The following SYT1 variants were observed in gnomAD, a reference collection of about 807,000 sequenced individuals.
The protein encoded by SYT1 is synaptotagmin-1.
Under a neutral mutation model 44.8 loss-of-function variants are expected in SYT1, and 8 were observed. The ratio of observed to expected loss-of-function variants is 0.18; its 90% CI spans 0.10 to 0.32. The LOEUF (loss-of-function observed/expected upper bound fraction) is 0.32, where lower values mean the gene tolerates loss of function less well. SYT1 is among the 10% of genes least tolerant of loss of function. SYT1 has a pLI of 1.00. For synonymous variants in SYT1, 154 were observed against 188.8 expected (o/e 0.82, Z 1.51); for missense variants, 286 against 509.3 (o/e 0.56, Z 4.22).
intron 4 of SYT1, among the ~76,000 whole-genome samples, chr12:79,224,118 G>A (rs773743241): frequency 2.0e-5 from 3 of 152,108 alleles, no homozygotes; most frequent in Non-Finnish European, 4.4e-5. Context: ...ATGATTTTGT[G>A]GGAGATGGTA....
chr12:79,145,951 G>C (rs1166072385), intron 3 of SYT1, among the ~76,000 whole-genome samples: 1 of 151,838 alleles, frequency 6.6e-6, no homozygotes, highest in Non-Finnish European at 1.5e-5. Flanking sequence ...TAGAGACGGG[G>C]TTTCACCGTT....
At chr12:79,016,352 T>C (rs1379992708) in intron 2 of SYT1, among the ~76,000 whole-genome samples, 1 of 152,204 alleles carries the variant, frequency 6.6e-6, no homozygotes, top group Non-Finnish European at 1.5e-5. Context: ...TGTGTTTCCA[T>C]AAGCATTATG....
chr12:79,102,274 C>T (rs540838785), intron 3 of SYT1, among the ~76,000 whole-genome samples: 65 of 150,690 alleles, frequency 4.3e-4, no homozygotes, highest in Non-Finnish European at 7.4e-4. Context: ...CTCTCTTTCT[C>T]TCTCTCTCTC....
At chr12:79,000,333 GC>G (rs1870656857) in intron 2 of SYT1, among the ~76,000 whole-genome samples, 1 of 117,758 alleles carries the variant, frequency 8.5e-6, no homozygotes, top group Non-Finnish European at 1.6e-5. Context: ...CGCTCTAGTT[GC>G]CCAGCGTGGA....
chr12:79,016,756 G>A (rs1429937646), intron 2 of SYT1, among the ~76,000 whole-genome samples: 1 of 152,000 alleles, frequency 6.6e-6, no homozygotes, highest in Non-Finnish European at 1.5e-5. Flanking sequence ...TATATGCCCA[G>A]GATTTAAATA....
chr12:78,996,324 T>C (rs985093547), intron 2 of SYT1, among the ~76,000 whole-genome samples: 19 of 152,202 alleles, frequency 1.2e-4, no homozygotes, highest in Admixed American at 1.2e-3. Flanking sequence ...AAAATGTTAC[T>C]AAGCACCGAC....
At chr12:79,045,285 T>C (rs111336867) in intron 2 of SYT1, among the ~76,000 whole-genome samples, 1 of 152,160 alleles carries the variant, frequency 6.6e-6, no homozygotes, top group African/African-American at 2.4e-5. Context: ...TACGTGGGCG[T>C]AGGACCCGCC....
intron 1 of SYT1, among the ~76,000 whole-genome samples, chr12:78,904,808 T>C (rs1190923405): frequency 2.6e-5 from 4 of 152,132 alleles, no homozygotes; most frequent in Admixed American, 2.6e-4. Context: ...TCAAATTATA[T>C]ATATAATTGT....
intron 4 of SYT1, among the ~76,000 whole-genome samples, chr12:79,234,771 C>A (rs111605442): frequency 7.1e-6 from 1 of 140,474 alleles, no homozygotes; most frequent in Non-Finnish European, 1.5e-5. Flanking sequence ...AGTGCAGTGG[C>A]GCAATCTTGG....
At chr12:79,321,419 T>C (rs1881352867) in intron 8 of SYT1, among the ~76,000 whole-genome samples, 1 of 152,230 alleles carries the variant, frequency 6.6e-6, no homozygotes, top group Admixed American at 6.5e-5. Flanking sequence ...TGACTTTTCC[T>C]TTTTTAACAA....
At chr12:79,146,919 C>A (rs776733020) in intron 3 of SYT1, among the ~76,000 whole-genome samples, 4 of 152,150 alleles carry the variant, frequency 2.6e-5, no homozygotes, top group Non-Finnish European at 5.9e-5. Context: ...CAGCTCACTG[C>A]AAGCTCTGCT....
chr12:79,182,589 T>C (rs1872602427), intron 3 of SYT1, among the ~76,000 whole-genome samples: 1 of 152,072 alleles, frequency 6.6e-6, no homozygotes, highest in South Asian at 2.1e-4. Flanking sequence ...CCAGATGATA[T>C]GCGTATAGTT....
At chr12:78,997,277 T>C (rs1870441981) in intron 2 of SYT1, among the ~76,000 whole-genome samples, 1 of 152,214 alleles carries the variant, frequency 6.6e-6, no homozygotes, top group Non-Finnish European at 1.5e-5. Flanking sequence ...TCAGCAGTTC[T>C]CACTTAGAAG....
rs552285962 is a variant in SYT1, at chr12:79,005,958, G to A, written c.-84+28027G>A. Among the ~76,000 whole-genome samples the A allele has an allele frequency of 9.2e-5, 14 of 152,206 alleles. No homozygotes were observed. The South Asian group carries it at 2.7e-3, about 29-fold the overall frequency. On this transcript the variant is annotated intron_variant, in intron 2 of 10. Coordinates refer to ENST00000261205, the MANE Select transcript of SYT1 (RefSeq NM_005639.3). ...GTATTGCCATTTGGATAGGCGCTCT[G>A]TTTGCCTACATTTCTTTTCCCTAAT...
intron 9 of SYT1, among the ~76,000 whole-genome samples, chr12:79,376,365 TC>T (rs1027714238): frequency 1.8e-4 from 28 of 152,198 alleles, no homozygotes; most frequent in Non-Finnish European, 2.9e-5. Flanking sequence ...TATTCATGCC[TC>T]CCCTTTTTAG....
intron 9 of SYT1, among the ~76,000 whole-genome samples, chr12:79,356,662 T>G (rs1883124886): frequency 6.6e-6 from 1 of 152,218 alleles, no homozygotes; most frequent in Admixed American, 6.5e-5. Context: ...CAAAGTGGGT[T>G]GTTTTGCCAG....
chr12:78,956,639 T>C (rs191392071), intron 1 of SYT1, among the ~76,000 whole-genome samples: 40 of 152,244 alleles, frequency 2.6e-4, no homozygotes, highest in Middle Eastern at 6.8e-3. Context: ...GCAGAGGTTC[T>C]GTATTTTAGT....
chr12:79,211,097 G>A (rs888634433), intron 3 of SYT1, among the ~76,000 whole-genome samples: 1 of 151,910 alleles, frequency 6.6e-6, no homozygotes, highest in Admixed American at 6.6e-5. Context: ...GGAAAAGTGG[G>A]TATTCTTCCA....
At chr12:79,310,122 T>C (rs1305505558) in intron 8 of SYT1, among the ~76,000 whole-genome samples, 1 of 152,082 alleles carries the variant, frequency 6.6e-6, no homozygotes, top group Non-Finnish European at 1.5e-5. Flanking sequence ...AATGCCTAGG[T>C]TTTCTTCTAG....
Sources: gnomAD v4.1 joint callset for allele counts (sites outside exome capture counted in the v4.1 genomes callset) on GRCh38, gnomAD v4.1.1 for gene constraint, MANE v1.5 for transcripts, NCBI Gene and HGNC (gene_info 2026-07-23, HGNC 2026-07-21) for gene names.